RPS6KA5: variants seen among roughly 807,000 people sequenced by gnomAD.
RPS6KA5 encodes ribosomal protein S6 kinase A5, also known as ribosomal protein S6 kinase alpha-5.
A neutral mutation model predicts 85.5 loss-of-function variants in RPS6KA5; 27 were observed. The observed-to-expected ratio is 0.32, with a 90% CI of 0.23 to 0.44. The LOEUF is 0.44. RPS6KA5 is among the 20% of genes least tolerant of loss of function. The pLI is 1.00. For synonymous variants in RPS6KA5, 334 were observed against 348.2 expected, an observed-to-expected ratio of 0.96 and a Z score of 0.46; for missense variants, 811 against 980.9, an observed-to-expected ratio of 0.83 and a Z score of 2.31.
intron 1 of RPS6KA5, among the ~76,000 whole-genome samples, chr14:91,032,748 A>G (rs1014252588): frequency 6.6e-6 from 1 of 152,024 alleles, no homozygotes; most frequent in African/African-American, 2.4e-5. Context: ...GAAAAGCAAG[A>G]CTTCTGAGTT....
intron 14 of RPS6KA5, among the ~76,000 whole-genome samples, chr14:90,885,176 C>T (rs1032191040): frequency 6.0e-5 from 9 of 150,794 alleles, no homozygotes; most frequent in African/African-American, 2.2e-4. Flanking sequence ...TCACCTCAGC[C>T]TGGGAGGTCG....
At chr14:90,992,484 T>C (rs926594786) in intron 2 of RPS6KA5, among the ~76,000 whole-genome samples, 1 of 152,230 alleles carries the variant, frequency 6.6e-6, no homozygotes, top group Non-Finnish European at 1.5e-5. Flanking sequence ...AGTCAAAGTA[T>C]TCAATGTGTT....
intron 1 of RPS6KA5, among the ~76,000 whole-genome samples, chr14:91,046,568 T>TA (rs1048070547): frequency 1.3e-5 from 2 of 152,144 alleles, no homozygotes; most frequent in Non-Finnish European, 2.9e-5. Context: ...ATATTTCCTT[T>TA]AAAAAAATAC....
intron 5 of RPS6KA5, among the ~76,000 whole-genome samples, chr14:90,931,128 G>C (rs1234642916): frequency 6.6e-6 from 1 of 152,152 alleles, no homozygotes; most frequent in South Asian, 2.1e-4. Context: ...CAAGAGGTGA[G>C]AGCAATCCAA....
intron 1 of RPS6KA5, among the ~76,000 whole-genome samples, chr14:91,054,862 C>CAGCT (rs1427344287): frequency 2.6e-5 from 4 of 151,784 alleles, no homozygotes; most frequent in Non-Finnish European, 5.9e-5. Context: ...AGTGAAAAGA[C>CAGCT]AGCTCATTTA....
intron 3 of RPS6KA5, among the ~76,000 whole-genome samples, chr14:90,958,180 G>C (rs901357322): frequency 6.6e-6 from 1 of 152,042 alleles, no homozygotes; most frequent in African/African-American, 2.4e-5. Context: ...TAAAGAATTA[G>C]ATGGGGCTAT....
intron 1 of RPS6KA5, among the ~76,000 whole-genome samples, chr14:91,042,932 A>AT (rs1566899470): frequency 2.0e-5 from 3 of 152,082 alleles, no homozygotes. Flanking sequence ...CCTGAACCCC[A>AT]TATAGCTCTC....
At chr14:91,022,737 C>T (rs995434158) in intron 1 of RPS6KA5, among the ~76,000 whole-genome samples, 3 of 152,196 alleles carry the variant, frequency 2.0e-5, no homozygotes, top group Non-Finnish European at 4.4e-5. Flanking sequence ...TGCACATGTA[C>T]TTATGCTCTT....
At chr14:90,906,633 C>G (rs935064224) in intron 7 of RPS6KA5, among the ~76,000 whole-genome samples, 8 of 152,104 alleles carry the variant, frequency 5.3e-5, no homozygotes, top group African/African-American at 1.9e-4. Flanking sequence ...AGACTAGACT[C>G]TATGATTAAA....
intron 2 of RPS6KA5, among the ~76,000 whole-genome samples, chr14:90,993,943 T>C (rs1032736569): frequency 6.6e-6 from 1 of 151,834 alleles, no homozygotes; most frequent in African/African-American, 2.4e-5. Context: ...GGCTGGAGTG[T>C]AGTGATGTGA....
At chr14:90,925,195 C>T (rs1195691854) in intron 5 of RPS6KA5, among the ~76,000 whole-genome samples, 1 of 152,084 alleles carries the variant, frequency 6.6e-6, no homozygotes, top group Non-Finnish European at 1.5e-5. Context: ...GCTGCACAAA[C>T]GGTGGAAAGG....
At chr14:91,024,177 T>G (rs1307863580) in intron 1 of RPS6KA5, among the ~76,000 whole-genome samples, 1 of 152,204 alleles carries the variant, frequency 6.6e-6, no homozygotes, top group Non-Finnish European at 1.5e-5. Context: ...TGTAAATATA[T>G]TCATCATTTC....
intron 1 of RPS6KA5, among the ~76,000 whole-genome samples, chr14:91,020,624 G>GTGTGTGTA (rs1555378434): frequency 3.4e-5 from 5 of 146,448 alleles, no homozygotes; most frequent in Non-Finnish European, 7.6e-5. Flanking sequence ...TTGTGTGTGT[G>GTGTGTGTA]TGTGTGTGTG....
chr14:91,000,210 A>G (rs147227653), intron 2 of RPS6KA5, among the ~76,000 whole-genome samples: 63 of 152,310 alleles, frequency 4.1e-4, no homozygotes, highest in Non-Finnish European at 7.8e-4. Context: ...TATATTGTAC[A>G]TTCTCTTCTG....
intron 12 of RPS6KA5, among the ~76,000 whole-genome samples, chr14:90,898,925 TCA>T (rs2034999919): frequency 1.3e-5 from 2 of 152,172 alleles, no homozygotes; most frequent in African/African-American, 4.8e-5. Flanking sequence ...CCAGGCTCTC[TCA>T]GTTTTACTCT....
intron 4 of RPS6KA5, among the ~76,000 whole-genome samples, chr14:90,947,048 C>T (rs910197074): frequency 6.6e-6 from 1 of 151,954 alleles, no homozygotes; most frequent in Non-Finnish European, 1.5e-5. Flanking sequence ...CAGGATACAC[C>T]CTGAAGATGT....
chr14:90,958,783 T>C (rs1435675651), intron 3 of RPS6KA5, among the ~76,000 whole-genome samples: 3 of 152,196 alleles, frequency 2.0e-5, no homozygotes, highest in Non-Finnish European at 2.9e-5. Context: ...GAAGCTTGCA[T>C]TCCATTCAGG....
chr14:90,883,198 T>C (rs751950511), intron 14 of RPS6KA5, among the ~76,000 whole-genome samples: 2 of 152,208 alleles, frequency 1.3e-5, no homozygotes, highest in Non-Finnish European at 2.9e-5. Flanking sequence ...ACCAATCCAA[T>C]AGAATATTTC....
At chr14:91,035,871 AAAAAAAAAAAC>A (rs1425464971) in intron 1 of RPS6KA5, among the ~76,000 whole-genome samples, 8 of 139,634 alleles carry the variant, frequency 5.7e-5, no homozygotes, top group South Asian at 4.4e-4. Context: ...AAAAAAAAAA[AAAAAAAAAAAC>A]CCCAAAGCTG....
Sources: gnomAD v4.1 joint callset for allele counts (sites outside exome capture counted in the v4.1 genomes callset) on GRCh38, gnomAD v4.1.1 for gene constraint, MANE v1.5 for transcripts, NCBI Gene and HGNC (gene_info 2026-07-23, HGNC 2026-07-21) for gene names.